Variants in GRIK4 observed in about 807,000 individuals in gnomAD.
The protein encoded by GRIK4 is glutamate receptor ionotropic, kainate 4.
Under a neutral mutation model 104.9 loss-of-function variants are expected in GRIK4, and 40 were observed. The observed-to-expected ratio is 0.38, with a 90% CI of 0.30 to 0.50. The LOEUF is 0.50. Among genes scored for constraint, GRIK4 ranks in the 20% least tolerant of loss-of-function variants. The probability of loss-of-function intolerance (pLI) is 0.93; values close to 1 mark genes in which losing one functional copy is unlikely to be tolerated. For synonymous variants in GRIK4, 485 were observed against 524.9 expected (o/e 0.92, Z 1.04); for missense variants, 1,047 against 1,308.1 (o/e 0.80, Z 3.08).
chr11:120,735,284 A>G (rs191316037), intron 3 of GRIK4, among the ~76,000 whole-genome samples: 2 of 152,274 alleles, frequency 1.3e-5, no homozygotes, highest in Admixed American at 6.5e-5. Context: ...GCTCTTGCAG[A>G]CTCACAGAGT....
intron 13 of GRIK4, among the ~76,000 whole-genome samples, chr11:120,919,916 C>T (rs189276639): frequency 2.4e-4 from 36 of 151,974 alleles, no homozygotes; most frequent in South Asian, 6.3e-4. Flanking sequence ...TAGCTTTAGA[C>T]GGCAGAGATA....
chr11:120,927,672 ATG>A (rs1040621403), intron 13 of GRIK4, among the ~76,000 whole-genome samples: 4 of 152,268 alleles, frequency 2.6e-5, no homozygotes, highest in Non-Finnish European at 5.9e-5. Flanking sequence ...TCAATTATGA[ATG>A]TGGTCAACAA....
chr11:120,976,139 T>C (rs1009720601), intron 19 of GRIK4, among the ~76,000 whole-genome samples: 6 of 152,298 alleles, frequency 3.9e-5, no homozygotes, highest in African/African-American at 9.6e-5. Flanking sequence ...GTGGGGACAA[T>C]GGGCCTTCTC....
chr11:120,701,951 CTTTT>C (rs34068640), intron 3 of GRIK4, among the ~76,000 whole-genome samples: 9,903 of 91,644 alleles, frequency 0.11, 302 homozygotes, highest in Middle Eastern at 0.15. Context: ...TGATTCCAAG[CTTTT>C]TTTTTTTTTT....
chr11:120,629,782 G>A (rs926391698), intron 1 of GRIK4, among the ~76,000 whole-genome samples: 1 of 152,196 alleles, frequency 6.6e-6, no homozygotes, highest in African/African-American at 2.4e-5. Flanking sequence ...CTGGGCGGCT[G>A]GGGAGTTGGC....
chr11:120,806,442 A>T lies in GRIK4; in HGVS notation c.247+3585A>T, dbSNP rs778017370. On this transcript the variant is annotated intron_variant, in intron 4 of 20. Coordinates refer to ENST00000527524, the MANE Select transcript of GRIK4 (RefSeq NM_014619.5). ...CAAAGGCCGTGGTTTGCCCTGGGCT[A>T]GTGGCCCAGGGCTAATTTGCATCAT... is the stretch of plus-strand genomic sequence containing the variant. Among the ~76,000 whole-genome samples the T allele has an allele frequency of 3.9e-4, 60 of 152,310 alleles. 1 individual carries two copies. Among genetic ancestry groups the T allele is most frequent in the Admixed American group, 2.9e-3 (45 of 15,298 alleles).
At chr11:120,672,741 T>C (rs999837339) in intron 3 of GRIK4, among the ~76,000 whole-genome samples, 19 of 152,218 alleles carry the variant, frequency 1.2e-4, no homozygotes, top group African/African-American at 4.6e-4. Flanking sequence ...ATTATTGGTG[T>C]TTAGGAATGC....
chr11:120,535,200 C>T (rs1313622379), intron 1 of GRIK4, among the ~76,000 whole-genome samples: 1 of 151,476 alleles, frequency 6.6e-6, no homozygotes, highest in East Asian at 2.0e-4. Context: ...CCAGCACACC[C>T]GGGAGAGAGC....
intron 3 of GRIK4, among the ~76,000 whole-genome samples, chr11:120,660,695 A>C (rs987470471): frequency 5.3e-5 from 8 of 152,174 alleles, no homozygotes; most frequent in African/African-American, 1.9e-4. Flanking sequence ...TCGGGGAAAA[A>C]GGAGGGTGAG....
At chr11:120,832,534 A>G (rs73003743) in intron 7 of GRIK4, among the ~76,000 whole-genome samples, 8,401 of 152,262 alleles carry the variant, frequency 0.055, 258 homozygotes, top group Middle Eastern at 0.088. Flanking sequence ...CAGCAATGAC[A>G]TGAGGTAGGT....
At chr11:120,931,010 A>C (rs1393727321) in intron 13 of GRIK4, among the ~76,000 whole-genome samples, 1 of 152,170 alleles carries the variant, frequency 6.6e-6, no homozygotes, top group Non-Finnish European at 1.5e-5. Context: ...ATTCCAGGTA[A>C]TGTGTTTTGT....
At chr11:120,943,401 C>A (rs1943776094) in intron 14 of GRIK4, among the ~76,000 whole-genome samples, 1 of 152,062 alleles carries the variant, frequency 6.6e-6, no homozygotes, top group South Asian at 2.1e-4. Context: ...GGAGAACAAT[C>A]CCAAATTGAC....
intron 1 of GRIK4, among the ~76,000 whole-genome samples, chr11:120,579,550 T>C (rs935589063): frequency 1.3e-5 from 2 of 151,864 alleles, no homozygotes; most frequent in Non-Finnish European, 2.9e-5. Flanking sequence ...TTTGGAGGAG[T>C]TTAAGCAGGG....
At chr11:120,900,300 G>T (rs1383132112) in intron 12 of GRIK4, among the ~76,000 whole-genome samples, 2 of 152,178 alleles carry the variant, frequency 1.3e-5, no homozygotes, top group Non-Finnish European at 2.9e-5. Flanking sequence ...AAGTGGGTTG[G>T]GTCCATAGAG....
chr11:120,634,270 T>C (rs1305663281), intron 1 of GRIK4, among the ~76,000 whole-genome samples: 1 of 152,156 alleles, frequency 6.6e-6, no homozygotes, highest in Non-Finnish European at 1.5e-5. Context: ...AGAGTGTTAG[T>C]TGTTGAACAT....
At chr11:120,649,224 AG>A (rs1417118598) in intron 1 of GRIK4, among the ~76,000 whole-genome samples, 2 of 152,000 alleles carry the variant, frequency 1.3e-5, no homozygotes, top group Non-Finnish European at 2.9e-5. Flanking sequence ...GGGAGGGCTG[AG>A]GGGGGCTGAT....
At chr11:120,537,338 G>A (rs890419228) in intron 1 of GRIK4, among the ~76,000 whole-genome samples, 5 of 152,244 alleles carry the variant, frequency 3.3e-5, no homozygotes, top group African/African-American at 7.2e-5. Flanking sequence ...GGTCAGAGGC[G>A]GAAACTCAGA....
chr11:120,737,577 TGTAAG>T (rs1481286988), intron 3 of GRIK4, among the ~76,000 whole-genome samples: 1 of 151,778 alleles, frequency 6.6e-6, no homozygotes, highest in Non-Finnish European at 1.5e-5. Context: ...ACAAATAAAT[TGTAAG>T]GAAAGGAAAG....
At chr11:120,705,591 G>A (rs553642423) in intron 3 of GRIK4, among the ~76,000 whole-genome samples, 11 of 152,232 alleles carry the variant, frequency 7.2e-5, no homozygotes, top group South Asian at 2.1e-4. Context: ...TCTGTAGATC[G>A]CTTTGGGGAG....
Sources: allele counts gnomAD v4.1 joint callset (sites outside exome capture counted in the v4.1 genomes callset), GRCh38; gene constraint gnomAD v4.1.1; transcripts MANE v1.5; gene names NCBI Gene and HGNC (gene_info 2026-07-23, HGNC 2026-07-21).